DNAJC5B: variants seen among roughly 807,000 people sequenced by gnomAD.
The protein encoded by DNAJC5B is DnaJ heat shock protein family (Hsp40) member C5 beta, also known as dnaJ homolog subfamily C member 5B.
Under a neutral mutation model 24.7 loss-of-function variants are expected in DNAJC5B, and 23 were observed. The observed-to-expected ratio is 0.93, with a 90% confidence interval of 0.67 to 1.32. DNAJC5B has a LOEUF of 1.32. Ranked by LOEUF, DNAJC5B falls within the 40% of genes most tolerant of loss-of-function variation. The probability of loss-of-function intolerance (pLI) is 0.00; values close to 1 mark genes in which losing one functional copy is unlikely to be tolerated. For missense variants in DNAJC5B, 238 were observed against 240.8 expected (o/e 0.99, Z 0.08); for synonymous variants, 101 against 90.1 (o/e 1.12, Z -0.68).
At chr8:66,077,575 C>T (rs1047483928) in intron 4 of DNAJC5B, among the ~76,000 whole-genome samples, 1 of 152,114 alleles carries the variant, frequency 6.6e-6, no homozygotes, top group Non-Finnish European at 1.5e-5. Context: ...TCCTTATCTT[C>T]TGATAAAACT....
intron 3 of DNAJC5B, among the ~76,000 whole-genome samples, chr8:66,067,114 C>G (rs968208673): frequency 6.6e-6 from 1 of 152,132 alleles, no homozygotes; most frequent in Non-Finnish European, 1.5e-5. Flanking sequence ...TTCTCACTGA[C>G]TAGGTAATTT....
intron 3 of DNAJC5B, among the ~76,000 whole-genome samples, chr8:66,066,407 A>G (rs1586095186): frequency 6.6e-6 from 1 of 152,234 alleles, no homozygotes; most frequent in Admixed American, 6.5e-5. Flanking sequence ...AGAACACAGT[A>G]TATCAAAAAG....
intron 5 of DNAJC5B, among the ~76,000 whole-genome samples, chr8:66,096,863 C>G (rs938861403): frequency 6.6e-6 from 1 of 152,022 alleles, no homozygotes; most frequent in South Asian, 2.1e-4. Context: ...GTACTTTGAT[C>G]TTTTTCTACT....
rs544355018 is a variant in DNAJC5B at position 66,022,843 on chromosome 8, A to T, written c.-142+1138A>T. Among the ~76,000 whole-genome samples the T allele has an allele frequency of 4.6e-5, 7 of 152,322 alleles. 1 individual carries two copies. The South Asian group carries it at 1.5e-3, about 32-fold the overall frequency. ...CTGTGATTTTCACAATTAGGTTATGATCTAATCATAACCACTTAAGACTTG... is the reference window on the plus strand; with the variant it reads ...CTGTGATTTTCACAATTAGGTTATGTTCTAATCATAACCACTTAAGACTTG... On this transcript the variant is annotated intron_variant, in intron 1 of 5. Transcript: ENST00000276570.
chr8:66,032,830 C>T (rs575895215), intron 1 of DNAJC5B, among the ~76,000 whole-genome samples: 33 of 152,326 alleles, frequency 2.2e-4, no homozygotes, highest in African/African-American at 7.7e-4. Context: ...TTGGCAAAAA[C>T]ACTGTCTAGT....
Position 66,100,200 on chromosome 8 carries a change from T to C in DNAJC5B, c.*169T>C. ...ATATAATTTTCTCAGTATGCAGACT[T>C]TCTCTCTGAGTAGAATTTCTTATGA... On this transcript the variant is annotated 3_prime_UTR_variant, in exon 6 of 6. Coordinates refer to ENST00000276570, the MANE Select transcript of DNAJC5B (RefSeq NM_033105.6). 8 of 564,712 alleles carry C rather than the reference T, an allele frequency of 1.4e-5. No homozygotes were observed. The highest frequency in any genetic ancestry group is 2.5e-5 in the Non-Finnish European group (8 of 324,706). The allele number at this position is 564,712 out of a possible 1,614,324, so 35.0% of individuals were successfully genotyped here.
upstream of DNAJC5B, among the ~76,000 whole-genome samples, chr8:66,020,679 C>A (rs1274450619): frequency 6.7e-6 from 1 of 148,556 alleles, no homozygotes; most frequent in African/African-American, 2.5e-5. Context: ...ATTCTGCCGT[C>A]CAGGCTGGAG....
chr8:66,070,128 C>A (rs574975493), intron 3 of DNAJC5B, among the ~76,000 whole-genome samples: 1 of 152,174 alleles, frequency 6.6e-6, no homozygotes, highest in East Asian at 1.9e-4. Context: ...AAACTGGAAG[C>A]ATTCCCTTTG....
chr8:66,076,781 G>C lies in DNAJC5B; in HGVS notation c.241G>C (p.Asp81His). Reference protein sequence around the residue: ...LTDISKRSIYDKYGSLGLYVA... With the variant: ...LTDISKRSIYHKYGSLGLYVA... ...CGACATTTCAAAGAGAAGCATATAC[G>C]ACAAGTACGGATCGCTGGGACTCTA... is the stretch of plus-strand genomic sequence containing the variant. Residue 81 changes from aspartate to histidine, a missense_variant, in exon 4 of 6, where the codon GAC (aspartate) becomes CAC (histidine). By Grantham distance (81) the Asp-to-His change is moderately conservative. Coordinates refer to ENST00000276570, the MANE Select transcript of DNAJC5B (RefSeq NM_033105.6). The C allele has an allele frequency of 1.2e-6, 2 of 1,614,152 alleles. No individual in the cohort carries two copies. The highest frequency in any genetic ancestry group is 1.7e-6 in the Non-Finnish European group (2 of 1,180,018).
rs545768604 is a variant in DNAJC5B at position 66,079,421 on chromosome 8, G to A, written c.334-956G>A. On this transcript the variant is annotated intron_variant, in intron 4 of 5. Coordinates refer to ENST00000276570, the MANE Select transcript of DNAJC5B (RefSeq NM_033105.6). Reference sequence around the variant, plus strand: ...AGAAGTCTGCATGAAATGCAACTGGGGACAAAGGAGGGAGTCATTGTTTTG... The same window carrying A: ...AGAAGTCTGCATGAAATGCAACTGGAGACAAAGGAGGGAGTCATTGTTTTG... Among the ~76,000 whole-genome samples the A allele has an allele frequency of 6.0e-4, 92 of 152,276 alleles. 1 individual carries two copies. The highest frequency in any genetic ancestry group is 9.4e-4 in the Non-Finnish European group (64 of 68,024).
Position 66,100,113 on chromosome 8 carries a change from T to A in DNAJC5B, c.*82T>A. ...TGGTCGTAGGGGAGCGTGTGGGGCATAAAGTGCTGTGAACTTTTCCATCTT... is the reference window on the plus strand; with the variant it reads ...TGGTCGTAGGGGAGCGTGTGGGGCAAAAAGTGCTGTGAACTTTTCCATCTT... On this transcript the variant is annotated 3_prime_UTR_variant, in exon 6 of 6. Transcript: ENST00000276570. 8.4e-7 allele frequency: 1 copy of A among 1,188,826 alleles called. No individual in the cohort carries two copies. Among genetic ancestry groups the A allele is most frequent in the Non-Finnish European group, 1.2e-6 (1 of 848,104 alleles). The allele number at this position is 1,188,826 out of a possible 1,614,324, so 73.6% of individuals were successfully genotyped here. A position where few individuals can be genotyped will look rare whatever the true frequency, so the allele number is the denominator to read the frequency against.
intron 5 of DNAJC5B, among the ~76,000 whole-genome samples, chr8:66,099,462 C>T (rs966545808): frequency 1.3e-5 from 2 of 152,210 alleles, no homozygotes; most frequent in East Asian, 1.9e-4. Flanking sequence ...AGCAAACTCT[C>T]AGTTTTGACT....
At chr8:66,027,583 T>A (rs573920316) in intron 1 of DNAJC5B, among the ~76,000 whole-genome samples, 15 of 152,278 alleles carry the variant, frequency 9.9e-5, no homozygotes, top group African/African-American at 3.4e-4. Context: ...CAAAAGGTGG[T>A]CTCAGGAAAA....
rs1396559399 is a variant in DNAJC5B at position 66,100,915 on chromosome 8, G to A, written c.*884G>A. 1.3e-5 allele frequency among the ~76,000 whole-genome samples: 2 copies of A among 152,116 alleles called. No individual in the cohort carries two copies. Among genetic ancestry groups the A allele is most frequent in the Non-Finnish European group, 1.5e-5 (1 of 68,018 alleles). On this transcript the variant is annotated 3_prime_UTR_variant, in exon 6 of 6. Transcript: ENST00000276570. Reference sequence around the variant, plus strand: ...TTGACCAGAAATTGCTCAGCTCTGTGCATGTTACACAATTTAAGCCCAGAG... The same window carrying A: ...TTGACCAGAAATTGCTCAGCTCTGTACATGTTACACAATTTAAGCCCAGAG...
At chr8:66,028,441 A>G (rs1806292885) in intron 1 of DNAJC5B, among the ~76,000 whole-genome samples, 1 of 152,180 alleles carries the variant, frequency 6.6e-6, no homozygotes, top group African/African-American at 2.4e-5. Flanking sequence ...TGCTGAAACC[A>G]GGGCTGTGTC....
intron 4 of DNAJC5B, 78 bp downstream of exon 4, chr8:66,076,951 G>A: frequency 2.0e-6 from 3 of 1,487,882 alleles, no homozygotes. Context: ...CATCTCAAAG[G>A]AAGTCTAACC....
intron 1 of DNAJC5B, among the ~76,000 whole-genome samples, chr8:66,039,909 G>A (rs1015498004): frequency 6.6e-6 from 1 of 152,122 alleles, no homozygotes; most frequent in African/African-American, 2.4e-5. Flanking sequence ...TCCCATTTTG[G>A]GGGGCAGGGA....
chr8:66,090,354 G>A (rs1454420639), intron 5 of DNAJC5B, among the ~76,000 whole-genome samples: 2 of 151,642 alleles, frequency 1.3e-5, no homozygotes, highest in African/African-American at 2.4e-5. Context: ...GAACACCCTG[G>A]CAAAGCAAAC....
At chr8:66,077,165 A>G (rs1365769337) in intron 4 of DNAJC5B, among the ~76,000 whole-genome samples, 1 of 152,206 alleles carries the variant, frequency 6.6e-6, no homozygotes, top group East Asian at 1.9e-4. Flanking sequence ...ATTGCTCAAA[A>G]CCAAAAATAA....
Sources: allele counts gnomAD v4.1 joint callset (sites outside exome capture counted in the v4.1 genomes callset), GRCh38; gene constraint gnomAD v4.1.1; transcripts MANE v1.5; gene names NCBI Gene and HGNC (gene_info 2026-07-23, HGNC 2026-07-21).